Variants in TRIML2 observed in about 807,000 individuals in gnomAD.
TRIML2 encodes probable E3 ubiquitin-protein ligase TRIML2.
A neutral mutation model predicts 31.2 loss-of-function variants in TRIML2; 28 were observed. That is an observed-to-expected ratio of 0.90 (90% CI 0.66 to 1.23). The LOEUF (loss-of-function observed/expected upper bound fraction) is 1.23. TRIML2 is among the 50% of genes most tolerant of loss of function. The probability of loss-of-function intolerance (pLI) is 0.00; values close to 1 mark genes in which losing one functional copy is unlikely to be tolerated. For missense variants in TRIML2, 536 were observed against 528.3 expected (o/e 1.01, Z -0.14); for synonymous variants, 187 against 197.5 (o/e 0.95, Z 0.45).
chr4:188,108,175 C>G (rs946790519), intron 1 of TRIML2, among the ~76,000 whole-genome samples: 3 of 152,116 alleles, frequency 2.0e-5, no homozygotes, highest in Non-Finnish European at 4.4e-5. Context: ...TCTTGGGGTG[C>G]TTCAAGGTTG....
At position 188,091,595 on chromosome 4, in the gene TRIML2, T is replaced by C. The variant is rs1362832604; in HGVS notation, c.1092A>G (p.Glu364=). Residue 364 remains glutamate, a synonymous_variant, in exon 8 of 8, where the codon GAA becomes GAG. Coordinates refer to ENST00000682553, the MANE Select transcript of TRIML2 (RefSeq NM_173553.4). ...VFPPLKRLFL[E]KKLDTVGVFL... Reference sequence around the variant, plus strand: ...AAACGCCAACTGTGTCCAACTTCTTTTCCAGGAAGAGCCTTTTCAGAGGGG... The same window carrying C: ...AAACGCCAACTGTGTCCAACTTCTTCTCCAGGAAGAGCCTTTTCAGAGGGG... 4 of 1,614,136 alleles carry C rather than the reference T, an allele frequency of 2.5e-6. No individual in the cohort carries two copies. In the South Asian group the frequency reaches 4.4e-5, roughly 18 times the overall value.
At position 188,091,630 on chromosome 4, in the gene TRIML2, A is replaced by G. The variant is rs754650388; in HGVS notation, c.1057T>C (p.Trp353Arg). The G allele has an allele frequency of 6.2e-7, 1 of 1,614,022 alleles. No individual in the cohort carries two copies. The highest frequency in any genetic ancestry group is 2.2e-5 in the East Asian group (1 of 44,888). ...AGCCTTTTCAGAGGGGGGAAGACCC[A>G]GAGAGTCCACTCGGTCCCCATCACC... ...GSVMGTEWTL[W>R]VFPPLKRLFL... The change falls in exon 8 of 8, where the codon TGG (tryptophan) becomes CGG (arginine). Residue 353 changes from tryptophan to arginine, a missense_variant. Physicochemically the swap from Trp to Arg is moderately radical, Grantham distance 101. Transcript: ENST00000682553.
Position 188,091,534 on chromosome 4 carries a change from T to C in TRIML2, c.1153A>G (p.Asn385Asp). 1.2e-6 allele frequency: 2 copies of C among 1,614,118 alleles called. No individual in the cohort carries two copies. Among genetic ancestry groups the C allele is most frequent in the South Asian group, 1.1e-5 (1 of 91,076 alleles). Residue 385 changes from asparagine (N) to aspartate (D), a missense_variant, in exon 8 of 8, where the codon AAT becomes GAT. Coordinates refer to ENST00000682553, the MANE Select transcript of TRIML2 (RefSeq NM_173553.4). ...TAAATGAGGGACATCTCGGTCACAT[T>C]GTAGAATGATATCTGCCCGTGTTCG... Reference protein sequence around the residue: ...DCEHGQISFYNVTEMSLIYNF... With the variant: ...DCEHGQISFYDVTEMSLIYNF...
At chr4:188,100,470 C>CCCAG (rs1733732856) in intron 4 of TRIML2, among the ~76,000 whole-genome samples, 1 of 152,146 alleles carries the variant, frequency 6.6e-6, no homozygotes. Context: ...CGCCTGTAAT[C>CCCAG]CCAGCACTTT....
rs1412662724 is a variant in TRIML2 at position 188,104,886 on chromosome 4, G to T, written c.236C>A (p.Ala79Glu). ...CTCATCAGTCAATATGCTTTTAGCTGCTTCAAGTTTCTCCCTCGATGTGTT... is the reference window on the plus strand; with the variant it reads ...CTCATCAGTCAATATGCTTTTAGCTTCTTCAAGTTTCTCCCTCGATGTGTT... ...ILNTSREKLEAAKSILTDEQE... is the reference protein window; with the variant it reads ...ILNTSREKLEEAKSILTDEQE... The change falls in exon 3 of 8, where the codon GCA becomes GAA. Residue 79 changes from alanine to glutamate, a missense_variant. Physicochemically the swap from Ala to Glu is moderately radical, Grantham distance 107. Coordinates refer to ENST00000682553, the MANE Select transcript of TRIML2 (RefSeq NM_173553.4). 3 of 1,613,958 alleles carry T rather than the reference G, an allele frequency of 1.9e-6. No individual in the cohort carries two copies. The highest frequency in any genetic ancestry group is 1.1e-5 in the South Asian group (1 of 91,066).
At chr4:188,104,340 C>T (rs1468318585) in intron 3 of TRIML2, among the ~76,000 whole-genome samples, 3 of 151,976 alleles carry the variant, frequency 2.0e-5, no homozygotes, top group Admixed American at 6.6e-5. Context: ...AATTAAATTT[C>T]TAGTCTTTTC....
chr4:188,106,791 G>A, intron 1 of TRIML2: 1 of 231,744 alleles, frequency 4.3e-6, no homozygotes, highest in Non-Finnish European at 9.1e-6. Context: ...CGCTGGGAAA[G>A]TGACAGGTCA....
intron 7 of TRIML2, among the ~76,000 whole-genome samples, chr4:188,094,996 A>C (rs1401760900): frequency 1.3e-5 from 2 of 152,196 alleles, no homozygotes; most frequent in East Asian, 3.9e-4. Context: ...ATTTTCAACA[A>C]AGGGGCCAAG....
chr4:188,096,624 G>A (rs963515462), intron 7 of TRIML2, among the ~76,000 whole-genome samples: 5 of 138,710 alleles, frequency 3.6e-5, no homozygotes, highest in African/African-American at 1.3e-4. Context: ...TATCTAATAT[G>A]TATAACATAT....
Position 188,091,494 on chromosome 4 carries a change from C to T in TRIML2, c.1193G>A (p.Cys398Tyr). The T allele has an allele frequency of 6.2e-7, 1 of 1,614,104 alleles. No homozygotes were observed. Residue 398 changes from cysteine to tyrosine, a missense_variant, in exon 8 of 8, where the codon TGC (cysteine) becomes TAC (tyrosine). Coordinates refer to ENST00000682553, the MANE Select transcript of TRIML2 (RefSeq NM_173553.4). ...AGGCCTGAGAGCTCCTTGGAAGGCGCAATGGGAGAAATTGTAAATGAGGGA... is the reference window on the plus strand; with the variant it reads ...AGGCCTGAGAGCTCCTTGGAAGGCGTAATGGGAGAAATTGTAAATGAGGGA... The part of the protein sequence containing the change: ...EMSLIYNFSH[C>Y]AFQGALRPVF...
chr4:188,095,782 G>A (rs11132516), intron 7 of TRIML2, among the ~76,000 whole-genome samples: 12,398 of 152,174 alleles, frequency 0.081, 1,090 homozygotes, highest in East Asian at 0.51. Flanking sequence ...CACAGAGCTG[G>A]AAACAACCCA....
In TRIML2 at chr4:188,105,420, T is replaced by C. The variant is rs544103905; in HGVS notation, c.-52A>G. On this transcript the variant is annotated 5_prime_UTR_variant, in exon 2 of 8. Coordinates refer to ENST00000682553, the MANE Select transcript of TRIML2 (RefSeq NM_173553.4). ...TGGACTGTATGCTTCTACTGAGGTA[T>C]CTCCCTGCACTGTGAATGAGAAAAA... 18 of 1,404,776 alleles carry C rather than the reference T, an allele frequency of 1.3e-5. No homozygotes were observed. The Admixed American group carries it at 3.2e-4, about 25-fold the overall frequency. The allele number at this position is 1,404,776 out of a possible 1,614,324, so 87.0% of individuals were successfully genotyped here. A position where few individuals can be genotyped will look rare whatever the true frequency, so the allele number is the denominator to read the frequency against.
intron 3 of TRIML2, among the ~76,000 whole-genome samples, chr4:188,102,909 C>T (rs866008368): frequency 6.6e-6 from 1 of 151,340 alleles, no homozygotes; most frequent in South Asian, 2.1e-4. Context: ...GACTACTTCT[C>T]ACCACTGCTC....
chr4:188,105,163 G>C lies in TRIML2; in HGVS notation c.189+17C>G, dbSNP rs1429320734. On this transcript the variant is annotated intron_variant, in intron 2 of 7. Coordinates refer to ENST00000682553, the MANE Select transcript of TRIML2 (RefSeq NM_173553.4). ...AGTTGGCCAGAGTGTTTTGGGATTT[G>C]CGTGAGTGACTCTTACCCTGTAATT... 2 of 1,590,982 alleles carry C rather than the reference G, an allele frequency of 1.3e-6. No individual in the cohort carries two copies. Among genetic ancestry groups the C allele is most frequent in the African/African-American group, 1.3e-5 (1 of 74,568 alleles).
At chr4:188,101,855 G>C (rs932366507) in intron 3 of TRIML2, among the ~76,000 whole-genome samples, 1 of 151,920 alleles carries the variant, frequency 6.6e-6, no homozygotes, top group Non-Finnish European at 1.5e-5. Context: ...AATTGGCTGG[G>C]CGCGGTGGTT....
At chr4:188,097,034 T>TG in intron 7 of TRIML2, 27 bp downstream of exon 7, 1 of 1,464,230 alleles carries the variant, frequency 6.8e-7, no homozygotes, top group Non-Finnish European at 9.6e-7. Flanking sequence ...AACAGTGCCC[T>TG]GTGAGTATTC....
At chr4:188,101,648 T>G (rs975176834) in intron 3 of TRIML2, among the ~76,000 whole-genome samples, 1 of 150,144 alleles carries the variant, frequency 6.7e-6, no homozygotes, top group Non-Finnish European at 1.5e-5. Context: ...GAGCAGAGAT[T>G]ACGCCACTGC....
At chr4:188,105,664 G>A (rs73021232) in intron 1 of TRIML2, 74 bp from the exon 2 acceptor site, 47,138 of 289,436 alleles carry the variant, frequency 0.16, 5,784 homozygotes, top group African/African-American at 0.39. Context: ...ACAATCTTGA[G>A]CAATAGGCTG....
intron 1 of TRIML2, 100 bp from the exon 2 acceptor site, chr4:188,105,690 G>A: frequency 4.1e-6 from 1 of 241,828 alleles, no homozygotes; most frequent in Non-Finnish European, 8.1e-6. Flanking sequence ...TAATTACAAG[G>A]AACAGCACTC....
Sources: gnomAD v4.1 joint callset for allele counts (sites outside exome capture counted in the v4.1 genomes callset) on GRCh38, gnomAD v4.1.1 for gene constraint, MANE v1.5 for transcripts, NCBI Gene and HGNC (gene_info 2026-07-23, HGNC 2026-07-21) for gene names.